Variants in RERE observed in about 807,000 individuals in gnomAD.
The protein encoded by RERE is arginine-glutamic acid dipeptide repeats.
A neutral mutation model predicts 146.1 loss-of-function variants in RERE; 40 were observed. The ratio of observed to expected loss-of-function variants is 0.27; its 90% CI spans 0.21 to 0.36. The LOEUF (loss-of-function observed/expected upper bound fraction) is 0.36, where lower values mean the gene tolerates loss of function less well. RERE is among the 10% of genes least tolerant of loss of function. The pLI is 1.00. For synonymous variants in RERE, 1,003 were observed against 866.0 expected (o/e 1.16, Z -2.78); for missense variants, 1,933 against 2,138.7 (o/e 0.90, Z 1.90).
intron 11 of RERE, among the ~76,000 whole-genome samples, chr1:8,430,471 T>G (rs916636995): frequency 6.6e-6 from 1 of 152,194 alleles, no homozygotes; most frequent in Non-Finnish European, 1.5e-5. Flanking sequence ...TAATTTAAAA[T>G]AATCATCCCA....
At chr1:8,783,978 T>G (rs888798471) in intron 1 of RERE, among the ~76,000 whole-genome samples, 3 of 152,176 alleles carry the variant, frequency 2.0e-5, no homozygotes, top group African/African-American at 7.2e-5. Flanking sequence ...CAGAAGGAAC[T>G]AACCCTGCCA....
At chr1:8,512,013 T>C (rs1247335362) in intron 7 of RERE, 2 of 108,230 alleles carry the variant, frequency 1.8e-5, no homozygotes, top group Admixed American at 1.0e-4. Flanking sequence ...TAGGAAACAC[T>C]CTTTTTTTTT....
At chr1:8,771,245 C>A (rs967264980) in intron 1 of RERE, among the ~76,000 whole-genome samples, 1 of 152,014 alleles carries the variant, frequency 6.6e-6, no homozygotes, top group Non-Finnish European at 1.5e-5. Context: ...GAAACTGGGC[C>A]GGGCGTGGTG....
At chr1:8,358,103 GA>G in intron 20 of RERE, 92 bp downstream of exon 20, 2 of 1,509,932 alleles carry the variant, frequency 1.3e-6, no homozygotes, top group Non-Finnish European at 1.8e-6. Flanking sequence ...GTTCAGAAAA[GA>G]ACAGTTTCCG....
intron 12 of RERE, among the ~76,000 whole-genome samples, chr1:8,400,222 A>ATATATGTGTGTGTGTGTGTGTGTG (rs368219880): frequency 1.4e-5 from 2 of 140,062 alleles, no homozygotes; most frequent in Admixed American, 7.4e-5. Context: ...CCTGTGTCAT[A>ATATATGTGTGTGTGTGTGTGTGTG]TGTGTGTGTG....
chr1:8,646,331 A>C (rs1450798986), intron 2 of RERE, among the ~76,000 whole-genome samples: 1 of 152,186 alleles, frequency 6.6e-6, no homozygotes, highest in African/African-American at 2.4e-5. Flanking sequence ...CAGGAGTTCA[A>C]GACCAGCCTA....
chr1:8,485,044 T>C (rs1644880556), intron 10 of RERE, among the ~76,000 whole-genome samples: 1 of 152,192 alleles, frequency 6.6e-6, no homozygotes, highest in Non-Finnish European at 1.5e-5. Flanking sequence ...ACTACCTCTG[T>C]GATTCTTCAA....
intron 1 of RERE, among the ~76,000 whole-genome samples, chr1:8,754,930 T>C (rs1452873389): frequency 2.6e-5 from 4 of 152,234 alleles, no homozygotes; most frequent in Non-Finnish European, 5.9e-5. Flanking sequence ...TTTCTAGAAT[T>C]CAAGCCTCAA....
intron 3 of RERE, among the ~76,000 whole-genome samples, chr1:8,621,322 TC>T (rs1646913140): frequency 2.6e-5 from 4 of 152,126 alleles, no homozygotes; most frequent in Admixed American, 1.3e-4. Flanking sequence ...CTTCTCCTTA[TC>T]TCATAAAGAG....
At chr1:8,391,687 G>A (rs949614266) in intron 12 of RERE, among the ~76,000 whole-genome samples, 22 of 152,128 alleles carry the variant, frequency 1.4e-4, no homozygotes, top group Admixed American at 7.9e-4. Context: ...TTGCACTTAT[G>A]AGAATTTATA....
chr1:8,618,620 A>C (rs373368695), intron 3 of RERE, among the ~76,000 whole-genome samples: 3 of 152,216 alleles, frequency 2.0e-5, no homozygotes, highest in East Asian at 3.8e-4. Context: ...GTAACAGCCA[A>C]GCTGGGACTA....
chr1:8,660,529 G>A (rs1228691452), intron 1 of RERE, among the ~76,000 whole-genome samples: 1 of 152,216 alleles, frequency 6.6e-6, no homozygotes, highest in African/African-American at 2.4e-5. Context: ...GAGATCATCT[G>A]CACAAGGCCA....
At chr1:8,383,885 AAAAT>A (rs1642542992) in intron 12 of RERE, among the ~76,000 whole-genome samples, 5 of 151,932 alleles carry the variant, frequency 3.3e-5, no homozygotes, top group Non-Finnish European at 7.4e-5. Flanking sequence ...AAAATAAAAT[AAAAT>A]AAAATAAAAA....
chr1:8,455,834 C>G (rs1644447062), intron 11 of RERE, among the ~76,000 whole-genome samples: 1 of 152,204 alleles, frequency 6.6e-6, no homozygotes. Flanking sequence ...TCAAACCAAC[C>G]TGGTGCAGCA....
chr1:8,510,369 G>C (rs910371716), intron 7 of RERE, among the ~76,000 whole-genome samples: 11 of 152,248 alleles, frequency 7.2e-5, no homozygotes, highest in Non-Finnish European at 1.5e-4. Context: ...GCATGCAGAG[G>C]TGGCAGGCTG....
intron 1 of RERE, among the ~76,000 whole-genome samples, chr1:8,665,007 C>G (rs1489250901): frequency 2.0e-5 from 3 of 152,204 alleles, no homozygotes; most frequent in African/African-American, 7.2e-5. Flanking sequence ...AGGTGCTTAT[C>G]CTTTTTTCGC....
Position 8,364,032 on chromosome 1 carries a change from G to A in RERE, c.1740+24C>T. On this transcript the variant is annotated intron_variant, in intron 15 of 22. Transcript: ENST00000400908. This position sits in a 1 kb window ranked among gnomAD's most constrained non-coding sequence, Gnocchi z 5.1. The stretch of plus-strand genomic sequence containing the variant: ...CAGGAAACTGAAGAAGTTGCCAGGA[G>A]CCCCATGGCCCCAGGGGACTCACCG... 1 of 1,606,964 alleles carries A rather than the reference G, an allele frequency of 6.2e-7. No homozygotes were observed. The highest frequency in any genetic ancestry group is 8.5e-7 in the Non-Finnish European group (1 of 1,173,950).
At chr1:8,617,337 C>T (rs1323747868) in intron 3 of RERE, among the ~76,000 whole-genome samples, 1 of 25,782 alleles carries the variant, frequency 3.9e-5, no homozygotes, top group Admixed American at 3.6e-4. Flanking sequence ...GAGTGAAACT[C>T]TGTCTCAAAA....
intron 4 of RERE, among the ~76,000 whole-genome samples, chr1:8,577,767 G>A (rs1230580711): frequency 6.6e-6 from 1 of 152,160 alleles, no homozygotes; most frequent in Non-Finnish European, 1.5e-5. Flanking sequence ...TATTCATTGT[G>A]AGATATACCG....
Sources: allele counts gnomAD v4.1 joint callset (sites outside exome capture counted in the v4.1 genomes callset), GRCh38; gene constraint gnomAD v4.1.1; non-coding constraint Gnocchi (gnomAD v3.1); transcripts MANE v1.5; gene names NCBI Gene and HGNC (gene_info 2026-07-23, HGNC 2026-07-21).